Variants in LAMA5 observed in about 807,000 individuals in gnomAD.
LAMA5 encodes laminin subunit alpha-5.
A neutral mutation model predicts 433.4 loss-of-function variants in LAMA5; 260 were observed. That is an observed-to-expected ratio of 0.60 (90% CI 0.54 to 0.66). LAMA5 has a LOEUF of 0.66. Ranked by LOEUF, LAMA5 falls within the 30% of genes least tolerant of loss-of-function variation. The pLI is 0.00. For missense variants in LAMA5, 5,378 were observed against 5,258.5 expected (o/e 1.02, Z -0.70); for synonymous variants, 2,620 against 2,226.6 (o/e 1.18, Z -4.97).
chr20:62,330,422 T>A, intron 31 of LAMA5, 66 bp downstream of exon 31: 1 of 1,464,098 alleles, frequency 6.8e-7, no homozygotes, highest in Non-Finnish European at 9.1e-7. Context: ...CAGGCCACGC[T>A]GTGGCGCCGG....
Position 62,323,700 on chromosome 20 carries a change from T to C in LAMA5, c.5850-30A>G, listed in dbSNP as rs770008128. 119 of 1,593,298 alleles carry C rather than the reference T, an allele frequency of 7.5e-5. 1 individual carries two copies. The South Asian group carries it at 1.3e-3, about 17-fold the overall frequency. On this transcript the variant is annotated intron_variant, in intron 44 of 79. Coordinates refer to ENST00000252999, the MANE Select transcript of LAMA5 (RefSeq NM_005560.6). ...GAGCAGGGTGGGGAGGGGCCGTCAGTGGCCCGTGGCGCCCACCCTCGCATA... is the reference window on the plus strand; with the variant it reads ...GAGCAGGGTGGGGAGGGGCCGTCAGCGGCCCGTGGCGCCCACCCTCGCATA...
chr20:62,314,293 G>A lies in LAMA5; in HGVS notation c.8504+11C>T. The A allele has an allele frequency of 1.9e-6, 3 of 1,612,284 alleles. No homozygotes were observed. The highest frequency in any genetic ancestry group is 2.5e-6 in the Non-Finnish European group (3 of 1,179,494). On this transcript the variant is annotated intron_variant, in intron 62 of 79. Coordinates refer to ENST00000252999, the MANE Select transcript of LAMA5 (RefSeq NM_005560.6). ...GTTGGAGGCATCCGGCCTCTCTCCTGGGCCTCCCACCTGTCCAGGCTGACA... is the reference window on the plus strand; with the variant it reads ...GTTGGAGGCATCCGGCCTCTCTCCTAGGCCTCCCACCTGTCCAGGCTGACA...
At position 62,346,814 on chromosome 20, in the gene LAMA5, A is replaced by G. The variant is rs1601395931; in HGVS notation, c.1073-14T>C. 1 of 1,610,042 alleles carries G rather than the reference A, an allele frequency of 6.2e-7. No individual in the cohort carries two copies. The highest frequency in any genetic ancestry group is 8.5e-7 in the Non-Finnish European group (1 of 1,177,962). ...AGCAGTTACAGGCTAGAGAGAGGGG[A>G]GCGCAGCTGTTGGCACGCCCTCCAC... On this transcript the variant is annotated splice_polypyrimidine_tract_variant and intron_variant, in intron 7 of 79. Coordinates refer to ENST00000252999, the MANE Select transcript of LAMA5 (RefSeq NM_005560.6).
chr20:62,312,430 G>T lies in LAMA5; in HGVS notation c.9330C>A (p.Gly3110=). Residue 3110 remains glycine, a synonymous_variant, in exon 68 of 80, where the codon GGC becomes GGA. Coordinates refer to ENST00000252999, the MANE Select transcript of LAMA5 (RefSeq NM_005560.6). ...GGTCGGCGGTGCAGCCGGCGCTCACGCCTGTCGTGTTCAGCCGCTTGAGGT... is the reference window on the plus strand; with the variant it reads ...GGTCGGCGGTGCAGCCGGCGCTCACTCCTGTCGTGTTCAGCCGCTTGAGGT... The part of the protein sequence containing the change: ...YVDLKRLNTT[G]VSAGCTADLL... The T allele has an allele frequency of 6.3e-7, 1 of 1,597,944 alleles. No homozygotes were observed. Among genetic ancestry groups the T allele is most frequent in the Non-Finnish European group, 8.5e-7 (1 of 1,179,456 alleles).
chr20:62,334,202 T>C lies in LAMA5; in HGVS notation c.2723A>G (p.Gln908Arg). ...FENFSWRGYA[Q>R]MAPVQPRIVA... ...AGCGCCCACCTGGACAGGTGCCATCTGCGCGTAGCCCCTCCAGCTGAAGTT... is the reference window on the plus strand; with the variant it reads ...AGCGCCCACCTGGACAGGTGCCATCCGCGCGTAGCCCCTCCAGCTGAAGTT... Residue 908 changes from glutamine to arginine, a missense_variant, in exon 22 of 80, where the codon CAG becomes CGG. Gln to Arg is a conservative substitution (Grantham distance 43). Transcript: ENST00000252999. 6.2e-7 allele frequency: 1 copy of C among 1,612,762 alleles called. No individual in the cohort carries two copies. The highest frequency in any genetic ancestry group is 8.5e-7 in the Non-Finnish European group (1 of 1,179,812).
Position 62,326,721 on chromosome 20 carries a change from G to A in LAMA5, c.5254C>T (p.Pro1752Ser). ...MSITFLEPAY[P>S]TPGHVHRGQL... Reference sequence around the variant, plus strand: ...CCACGGTGAACGTGGCCAGGCGTGGGGTATGCCGGCTCCAGGAATGTGATG... The same window carrying A: ...CCACGGTGAACGTGGCCAGGCGTGGAGTATGCCGGCTCCAGGAATGTGATG... Residue 1752 changes from proline (P) to serine (S), a missense_variant, in exon 40 of 80, where the codon CCC becomes TCC. Physicochemically the swap from Pro to Ser is moderately conservative, Grantham distance 74. Coordinates refer to ENST00000252999, the MANE Select transcript of LAMA5 (RefSeq NM_005560.6). The A allele has an allele frequency of 6.2e-7, 1 of 1,612,912 alleles. No individual in the cohort carries two copies. The highest frequency in any genetic ancestry group is 8.5e-7 in the Non-Finnish European group (1 of 1,179,864).
At chr20:62,362,784 G>A (rs1431426140) in intron 1 of LAMA5, among the ~76,000 whole-genome samples, 2 of 152,004 alleles carry the variant, frequency 1.3e-5, no homozygotes, top group East Asian at 1.9e-4. Context: ...ACAAGAGGAA[G>A]ACCAGGGTGG....
chr20:62,322,576 C>A, intron 46 of LAMA5, 82 bp downstream of exon 46: 1 of 1,417,248 alleles, frequency 7.1e-7, no homozygotes. Context: ...TGCCCCTCAG[C>A]CCCACCTATC....
rs556806335 is a variant in LAMA5, at chr20:62,309,358, G to A, written c.11066C>T (p.Ala3689Val). ...RSVEVHGAVG[A>V]SGCPAA The stretch of plus-strand genomic sequence containing the variant: ...GTCCTAGGCGGCTGGGCAGCCACTG[G>A]CCCCCACTGCCCCGTGGACCTCCAC... The change falls in exon 80 of 80, where the codon GCC (alanine) becomes GTC (valine). Residue 3689 changes from alanine (A) to valine (V), a missense_variant. By Grantham distance (64) the Ala-to-Val change is moderately conservative. Transcript: ENST00000252999. The A allele has an allele frequency of 1.8e-5, 28 of 1,589,914 alleles. No homozygotes were observed. The East Asian group carries it at 6.3e-4, about 36-fold the overall frequency.
chr20:62,328,156 G>C, intron 35 of LAMA5, 85 bp downstream of exon 35: 1 of 1,510,328 alleles, frequency 6.6e-7, no homozygotes, highest in Non-Finnish European at 8.9e-7. Context: ...AATGGGAGCA[G>C]GGTGGGTGCC....
Position 62,338,219 on chromosome 20 carries a change from A to C in LAMA5, c.1756+13T>G. 2.5e-6 allele frequency: 4 copies of C among 1,585,024 alleles called. No homozygotes were observed. Among genetic ancestry groups the C allele is most frequent in the Non-Finnish European group, 3.4e-6 (4 of 1,163,186 alleles). On this transcript the variant is annotated intron_variant, in intron 13 of 79. Coordinates refer to ENST00000252999, the MANE Select transcript of LAMA5 (RefSeq NM_005560.6). ...CTCCCCTACCCACGCCCACGTGGAG[A>C]GGCACCACTCACACTGGCAGAGAGG...
At chr20:62,332,862 G>A in intron 26 of LAMA5, 145 bp from the exon 27 acceptor site, 2 of 1,090,430 alleles carry the variant, frequency 1.8e-6, no homozygotes, top group East Asian at 2.6e-5. Flanking sequence ...GCAAGTGGTG[G>A]GGGCTGAGCT....
At chr20:62,360,978 T>G (rs1049236572) in intron 2 of LAMA5, among the ~76,000 whole-genome samples, 1 of 152,144 alleles carries the variant, frequency 6.6e-6, no homozygotes, top group Non-Finnish European at 1.5e-5. Context: ...CCACTGGCTC[T>G]GCAGCCACCC....
chr20:62,367,133 T>C lies in LAMA5; in HGVS notation c.113A>G (p.Glu38Gly). ...GTGCAGGCTGAAGCCGCCGCCCGCC[T>C]CCTCCCGCGCCCGCGCCGCGCCCAG... ...ALLGAARARE[E>G]AGGGFSLHPP... is the part of the protein sequence containing the mutation. The change falls in exon 1 of 80, where the codon GAG becomes GGG. Residue 38 changes from glutamate (E) to glycine (G), a missense_variant. Physicochemically the swap from Glu to Gly is moderately conservative, Grantham distance 98. Transcript: ENST00000252999. 1.6e-6 allele frequency: 2 copies of C among 1,272,060 alleles called. No individual in the cohort carries two copies. Among genetic ancestry groups the C allele is most frequent in the Admixed American group, 3.9e-5 (1 of 25,550 alleles). The allele number at this position is 1,272,060 out of a possible 1,614,324, so 78.8% of individuals were successfully genotyped here.
intron 41 of LAMA5, 172 bp downstream of exon 41, chr20:62,325,144 G>GGCAGGCA (rs1219924701): frequency 8.0e-5 from 38 of 476,198 alleles, no homozygotes; most frequent in Admixed American, 2.0e-4. Context: ...AGGCAGCAGG[G>GGCAGGCA]GACAGGCAGG....
In LAMA5 at chr20:62,334,358, G is replaced by T; in HGVS notation, c.2583-16C>A. On this transcript the variant is annotated splice_polypyrimidine_tract_variant and intron_variant, in intron 21 of 79. Transcript: ENST00000252999. ...CCTCGCAGGCCTGGCCACAGCAGGG[G>T]CTGGTCAGGTGCAGCTTGGCCATCC... The T allele has an allele frequency of 1.3e-6, 2 of 1,583,064 alleles. No individual in the cohort carries two copies. Among genetic ancestry groups the T allele is most frequent in the Non-Finnish European group, 8.6e-7 (1 of 1,165,260 alleles).
chr20:62,338,644 C>G, intron 11 of LAMA5, 36 bp from the exon 12 acceptor site: 2 of 1,582,836 alleles, frequency 1.3e-6, no homozygotes, highest in Non-Finnish European at 1.7e-6. Flanking sequence ...GTCTCAGATG[C>G]CCTGCAGACC....
At position 62,367,303 on chromosome 20, in the gene LAMA5, C is replaced by T; in HGVS notation, c.-58G>A. 2 of 1,116,630 alleles carry T rather than the reference C, an allele frequency of 1.8e-6. No homozygotes were observed. Among genetic ancestry groups the T allele is most frequent in the Non-Finnish European group, 2.2e-6 (2 of 913,094 alleles). The allele number at this position is 1,116,630 out of a possible 1,614,324, so 69.2% of individuals were successfully genotyped here. A position where few individuals can be genotyped will look rare whatever the true frequency, so the allele number is the denominator to read the frequency against. The stretch of plus-strand genomic sequence containing the variant: ...AGGGACAGCGCGCGCGGCGGGAGCC[C>T]GGCGGGTCTGAAGCCAGGCGGCCGG... On this transcript the variant is annotated 5_prime_UTR_variant, in exon 1 of 80. Transcript: ENST00000252999.
At chr20:62,325,271 T>C (rs1236918555) in intron 41 of LAMA5, 45 bp downstream of exon 41, 2 of 1,296,938 alleles carry the variant, frequency 1.5e-6, no homozygotes, top group Non-Finnish European at 1.1e-6. Flanking sequence ...GGGAAGGGTG[T>C]GCACAGGTGA....
Sources: gnomAD v4.1 joint callset for allele counts (sites outside exome capture counted in the v4.1 genomes callset) on GRCh38, gnomAD v4.1.1 for gene constraint, MANE v1.5 for transcripts, NCBI Gene and HGNC (gene_info 2026-07-23, HGNC 2026-07-21) for gene names.